MAMDC2: variants seen among roughly 807,000 people sequenced by gnomAD.
The protein encoded by MAMDC2 is MAM domain-containing protein 2.
Under a neutral mutation model 89.8 loss-of-function variants are expected in MAMDC2, and 57 were observed. The observed-to-expected ratio is 0.63, with a 90% CI of 0.51 to 0.79. The LOEUF (loss-of-function observed/expected upper bound fraction) is 0.79, where lower values mean the gene tolerates loss of function less well. MAMDC2 is among the 30% of genes least tolerant of loss of function. The pLI, the probability that MAMDC2 is intolerant of heterozygous loss-of-function variation, is 0.00. For synonymous variants in MAMDC2, 313 were observed against 293.4 expected, an observed-to-expected ratio of 1.07 and a Z score of -0.68; for missense variants, 800 against 820.6, an observed-to-expected ratio of 0.97 and a Z score of 0.31.
At chr9:70,218,650 T>C in intron 12 of MAMDC2, 54 bp downstream of exon 12, 3 of 1,512,266 alleles carry the variant, frequency 2.0e-6, no homozygotes, top group Middle Eastern at 3.7e-4. Context: ...GAGCTTCTGA[T>C]GTTCTTTCTT....
intron 2 of MAMDC2, among the ~76,000 whole-genome samples, chr9:70,104,513 T>C (rs1828281081): frequency 6.6e-6 from 1 of 152,162 alleles, no homozygotes; most frequent in Admixed American, 6.5e-5. Flanking sequence ...GCAGGATTAT[T>C]CATAATAGTC....
intron 2 of MAMDC2, chr9:70,092,848 T>C (rs1169182578): frequency 6.6e-6 from 1 of 152,216 alleles, no homozygotes; most frequent in African/African-American, 2.4e-5. Flanking sequence ...ATTTAAACTC[T>C]TATTTCTAAT....
At chr9:70,124,897 A>G (rs1340474049) in intron 5 of MAMDC2, among the ~76,000 whole-genome samples, 2 of 152,102 alleles carry the variant, frequency 1.3e-5, no homozygotes, top group Non-Finnish European at 2.9e-5. Context: ...TTCTGTAGAG[A>G]CAGGGGTCTC....
rs559239001 is a variant in MAMDC2 at position 70,210,957 on chromosome 9, C to T, written c.1652-7380C>T. 4.1e-3 allele frequency among the ~76,000 whole-genome samples: 624 copies of T among 152,220 alleles called. 7 individuals carry two copies. Among genetic ancestry groups the T allele is most frequent in the African/African-American group, 0.015 (607 of 41,532 alleles). On this transcript the variant is annotated intron_variant, in intron 11 of 13. Transcript: ENST00000377182. The stretch of plus-strand genomic sequence containing the variant: ...TTCTTTAAGAATGTTGAATATTGGC[C>T]CCCACTCTCTTCTGGCTTGTAGAGT...
chr9:70,156,438 C>G (rs562720025), intron 9 of MAMDC2, among the ~76,000 whole-genome samples: 1 of 151,562 alleles, frequency 6.6e-6, no homozygotes, highest in South Asian at 2.1e-4. Flanking sequence ...AGCAGAAAAC[C>G]AATGTGTAGA....
intron 12 of MAMDC2, among the ~76,000 whole-genome samples, chr9:70,219,681 C>T (rs569089868): frequency 3.9e-5 from 6 of 152,302 alleles, no homozygotes; most frequent in Admixed American, 1.3e-4. Flanking sequence ...GGGAAAGGCC[C>T]ATTATCCCAA....
chr9:70,069,279 G>GTAA (rs1827344629), intron 2 of MAMDC2, among the ~76,000 whole-genome samples: 2 of 152,104 alleles, frequency 1.3e-5, no homozygotes, highest in Non-Finnish European at 1.5e-5. Context: ...TACTTTCCTG[G>GTAA]TCAAGTGTAA....
intron 2 of MAMDC2, among the ~76,000 whole-genome samples, chr9:70,079,639 A>T (rs1469452982): frequency 6.6e-6 from 1 of 152,150 alleles, no homozygotes; most frequent in Non-Finnish European, 1.5e-5. Context: ...CTGCACATGT[A>T]ATGGCCACTT....
At chr9:70,112,378 A>G (rs1412821156) in intron 4 of MAMDC2, among the ~76,000 whole-genome samples, 6 of 152,178 alleles carry the variant, frequency 3.9e-5, no homozygotes, top group Admixed American at 3.3e-4. Flanking sequence ...ACCAGAACCT[A>G]GGATATATCT....
intron 7 of MAMDC2, among the ~76,000 whole-genome samples, chr9:70,134,357 C>T (rs754898993): frequency 2.7e-5 from 4 of 147,264 alleles, no homozygotes; most frequent in Non-Finnish European, 4.5e-5. Context: ...CCTTTGCCCC[C>T]TCACTCTCCC....
At chr9:70,172,640 G>C (rs1011864873) in intron 11 of MAMDC2, 1 of 152,670 alleles carries the variant, frequency 6.6e-6, no homozygotes, top group Admixed American at 6.5e-5. Flanking sequence ...CACCTTGCTA[G>C]TGAGTGTCCA....
chr9:70,078,033 A>C (rs1356185297), intron 2 of MAMDC2, among the ~76,000 whole-genome samples: 1 of 151,816 alleles, frequency 6.6e-6, no homozygotes, highest in East Asian at 1.9e-4. Flanking sequence ...CCTACTTATA[A>C]TTTTTATTAG....
chr9:70,128,912 C>A (rs959358962), intron 6 of MAMDC2, among the ~76,000 whole-genome samples: 4 of 152,208 alleles, frequency 2.6e-5, no homozygotes, highest in African/African-American at 9.7e-5. Flanking sequence ...CCACCTCAGG[C>A]TCTCAAAGTG....
At chr9:70,101,587 A>G (rs1213679855) in intron 2 of MAMDC2, among the ~76,000 whole-genome samples, 1 of 152,192 alleles carries the variant, frequency 6.6e-6, no homozygotes, top group African/African-American at 2.4e-5. Context: ...ACAAGTACTT[A>G]TCATTGTGTT....
chr9:70,082,031 T>G (rs1232543278), intron 2 of MAMDC2: 1 of 152,156 alleles, frequency 6.6e-6, no homozygotes, highest in East Asian at 1.9e-4. Context: ...CAGAACAGAC[T>G]GTCACAGCTC....
rs369103585 is a variant in MAMDC2 at position 70,128,113 on chromosome 9, AG to A, written c.900+1699del. Reference sequence around the variant, plus strand: ...TTATTTGCTCTCACTCATCAGGAAAAGAAAGTTGTCCTGAAGAAATCAGTGA... The same window carrying A: ...TTATTTGCTCTCACTCATCAGGAAAAAAAGTTGTCCTGAAGAAATCAGTGA... On this transcript the variant is annotated intron_variant, in intron 6 of 13. Coordinates refer to ENST00000377182, the MANE Select transcript of MAMDC2 (RefSeq NM_153267.5). Among the ~76,000 whole-genome samples the A allele has an allele frequency of 7.9e-3, 1,201 of 152,348 alleles. 8 individuals are homozygous for A. The highest frequency in any genetic ancestry group is 0.028 in the African/African-American group (1,145 of 41,566).
chr9:70,048,683 T>C (rs1311801278), intron 2 of MAMDC2, among the ~76,000 whole-genome samples: 1 of 152,222 alleles, frequency 6.6e-6, no homozygotes, highest in Non-Finnish European at 1.5e-5. Flanking sequence ...TCAGAGGATC[T>C]GGAAACCCCT....
intron 9 of MAMDC2, chr9:70,168,487 ATC>A: frequency 2.2e-6 from 1 of 463,424 alleles, no homozygotes; most frequent in South Asian, 2.4e-5. Context: ...GCGAGACTCC[ATC>A]TCAAAAATTA....
At chr9:70,188,036 G>A (rs1345942282) in intron 11 of MAMDC2, among the ~76,000 whole-genome samples, 1 of 152,064 alleles carries the variant, frequency 6.6e-6, no homozygotes, top group Admixed American at 6.5e-5. Flanking sequence ...CCATATCCTT[G>A]TCAACATTTC....
Sources: gnomAD v4.1 joint callset for allele counts (sites outside exome capture counted in the v4.1 genomes callset) on GRCh38, gnomAD v4.1.1 for gene constraint, MANE v1.5 for transcripts, NCBI Gene and HGNC (gene_info 2026-07-23, HGNC 2026-07-21) for gene names.